KIAA1217: variants seen among roughly 807,000 people sequenced by gnomAD.
KIAA1217 encodes KIAA1217.
KIAA1217 carries 88 observed loss-of-function variants against 163.9 expected under a neutral mutation model. The observed-to-expected ratio is 0.54, with a 90% CI of 0.45 to 0.64. The LOEUF (loss-of-function observed/expected upper bound fraction) is 0.64. KIAA1217 is among the 30% of genes least tolerant of loss of function. The pLI, the probability that KIAA1217 is intolerant of heterozygous loss-of-function variation, is 0.00. For missense variants in KIAA1217, 2,372 were observed against 2,475.0 expected (o/e 0.96, Z 0.88); for synonymous variants, 903 against 923.1 (o/e 0.98, Z 0.39).
intron 2 of KIAA1217, among the ~76,000 whole-genome samples, chr10:24,103,369 A>G (rs2062494134): frequency 6.6e-6 from 1 of 152,180 alleles, no homozygotes; most frequent in African/African-American, 2.4e-5. Flanking sequence ...GATACAAGAA[A>G]AAAGCCACAA....
chr10:24,269,600 T>C (rs1217174269), intron 2 of KIAA1217, among the ~76,000 whole-genome samples: 1 of 152,152 alleles, frequency 6.6e-6, no homozygotes. Context: ...TGAAGGCTAA[T>C]ACTTGAATCC....
At chr10:24,258,331 C>T (rs1361252324) in intron 2 of KIAA1217, among the ~76,000 whole-genome samples, 1 of 152,180 alleles carries the variant, frequency 6.6e-6, no homozygotes, top group African/African-American at 2.4e-5. Flanking sequence ...CCCACAGACA[C>T]ACACACACAG....
chr10:24,401,330 C>T (rs1374652039), intron 3 of KIAA1217, among the ~76,000 whole-genome samples: 4 of 152,042 alleles, frequency 2.6e-5, no homozygotes, highest in Admixed American at 6.6e-5. Flanking sequence ...GTATTTCACA[C>T]AAAAATCCTT....
At chr10:24,471,936 C>T (rs1171191210) in intron 5 of KIAA1217, among the ~76,000 whole-genome samples, 3 of 150,104 alleles carry the variant, frequency 2.0e-5, no homozygotes, top group Non-Finnish European at 3.0e-5. Flanking sequence ...TACCTCCCCG[C>T]AAACTTAACT....
chr10:24,461,812 G>A (rs970660351), intron 5 of KIAA1217, among the ~76,000 whole-genome samples: 3 of 152,150 alleles, frequency 2.0e-5, no homozygotes, highest in Admixed American at 6.5e-5. Flanking sequence ...TTTTGTTCAC[G>A]ATATAATCAA....
intron 11 of KIAA1217, among the ~76,000 whole-genome samples, chr10:24,521,018 C>T (rs2071159372): frequency 6.7e-6 from 1 of 148,550 alleles, no homozygotes; most frequent in Non-Finnish European, 1.5e-5. Flanking sequence ...ATAACAAAAC[C>T]CCATCTCTAA....
chr10:23,860,377 CT>C (rs200327857), intron 1 of KIAA1217, among the ~76,000 whole-genome samples: 2,350 of 152,150 alleles, frequency 0.015, 65 homozygotes, highest in African/African-American at 0.051. Context: ...TTCCATTTCA[CT>C]TTGGTCTTCT....
chr10:24,310,940 G>A (rs1439520382), intron 2 of KIAA1217, among the ~76,000 whole-genome samples: 1 of 152,192 alleles, frequency 6.6e-6, no homozygotes, highest in Non-Finnish European at 1.5e-5. Flanking sequence ...TGAGGTTGCA[G>A]TGAGCCAAGA....
intron 2 of KIAA1217, among the ~76,000 whole-genome samples, chr10:24,088,299 A>G (rs2061788824): frequency 8.6e-6 from 1 of 115,748 alleles, no homozygotes; most frequent in African/African-American, 2.6e-5. Flanking sequence ...GTATATATAT[A>G]TATATATTTA....
At chr10:24,440,975 A>C (rs2060453167) in intron 5 of KIAA1217, among the ~76,000 whole-genome samples, 1 of 152,196 alleles carries the variant, frequency 6.6e-6, no homozygotes, top group Admixed American at 6.5e-5. Flanking sequence ...TTCTTGATGA[A>C]TGTGGCTGCA....
chr10:24,048,247 CT>C (rs1849188912), intron 2 of KIAA1217, among the ~76,000 whole-genome samples: 1 of 152,200 alleles, frequency 6.6e-6, no homozygotes, highest in Admixed American at 6.6e-5. Context: ...TCTCCTCATA[CT>C]TTTGCTACAA....
chr10:23,733,636 A>G (rs1484466038), intron 1 of KIAA1217, among the ~76,000 whole-genome samples: 1 of 151,710 alleles, frequency 6.6e-6, no homozygotes, highest in Non-Finnish European at 1.5e-5. Context: ...TTTTTTCTGA[A>G]TATTTTCTAT....
chr10:23,695,451 A>C lies in KIAA1217; in HGVS notation c.-321+217A>C, dbSNP rs1422593379. Among the ~76,000 whole-genome samples the C allele has an allele frequency of 1.3e-5, 2 of 151,666 alleles. No homozygotes were observed. Among genetic ancestry groups the C allele is most frequent in the African/African-American group, 4.8e-5 (2 of 41,258 alleles). ...GGTGATGGGGTGCCAAAAGGAGAAG[A>C]CCCCCAACTGGGAGGAGGGACTGGA... On this transcript the variant is annotated intron_variant, in intron 1 of 18. Transcript: ENST00000376462. The surrounding 1 kb of genome is among the most constrained non-coding windows in gnomAD (Gnocchi z 4.9).
rs773124349 is a variant in KIAA1217, at chr10:24,544,223, G to A, written c.4953G>A (p.Pro1651=). 22 of 1,613,946 alleles carry A rather than the reference G, an allele frequency of 1.4e-5. 1 individual carries two copies. Among genetic ancestry groups the A allele is most frequent in the East Asian group, 4.5e-5 (2 of 44,874 alleles). ...AGCCCAGCATCGAGAGTACATCTCC[G>A]ATTTCAAGAACTGATGAAATTAGAA... ...QEQPSIESTS[P]ISRTDEIRKN... Residue 1651 remains proline (P), a synonymous_variant, in exon 19 of 21, where the codon CCG becomes CCA. Coordinates refer to ENST00000376454, the MANE Select transcript of KIAA1217 (RefSeq NM_019590.5).
At chr10:24,112,509 A>G (rs549700983) in intron 2 of KIAA1217, among the ~76,000 whole-genome samples, 96 of 152,300 alleles carry the variant, frequency 6.3e-4, no homozygotes, top group Admixed American at 2.5e-3. Flanking sequence ...AGCCTTGCAG[A>G]TGTAAATTGG....
chr10:24,422,716 A>G (rs1158186680), intron 3 of KIAA1217, among the ~76,000 whole-genome samples: 2 of 152,252 alleles, frequency 1.3e-5, no homozygotes, highest in Admixed American at 1.3e-4. Flanking sequence ...TTTCAATGAT[A>G]TTAACATTTT....
chr10:24,341,348 T>C (rs1001449651), intron 2 of KIAA1217, among the ~76,000 whole-genome samples: 1 of 152,120 alleles, frequency 6.6e-6, no homozygotes, highest in Non-Finnish European at 1.5e-5. Context: ...GTTGGAAGAT[T>C]GTCAAGCCAA....
intron 2 of KIAA1217, among the ~76,000 whole-genome samples, chr10:24,074,095 G>A (rs2061285177): frequency 6.6e-6 from 1 of 152,132 alleles, no homozygotes; most frequent in Non-Finnish European, 1.5e-5. Flanking sequence ...TGTAACCCCA[G>A]CACTTTGGGA....
In KIAA1217 at chr10:24,485,768, A is replaced by C. The variant is rs111528395; in HGVS notation, c.1680-8732A>C. Among the ~76,000 whole-genome samples, 1,374 of 152,284 alleles carry C rather than the reference A, an allele frequency of 9.0e-3. 22 individuals are homozygous for C. Among genetic ancestry groups the C allele is most frequent in the African/African-American group, 0.031 (1,293 of 41,554 alleles). ...TTTGCCCTCATTTTGATGTCTCTGT[A>C]GGGTGACAGCCTTTGGGACAGGTAA... On this transcript the variant is annotated intron_variant, in intron 6 of 20. Coordinates refer to ENST00000376454, the MANE Select transcript of KIAA1217 (RefSeq NM_019590.5).
Sources: gnomAD v4.1 joint callset for allele counts (sites outside exome capture counted in the v4.1 genomes callset) on GRCh38, gnomAD v4.1.1 for gene constraint, Gnocchi (gnomAD v3.1) non-coding constraint, MANE v1.5 for transcripts, NCBI Gene and HGNC (gene_info 2026-07-23, HGNC 2026-07-21) for gene names.